PPARGC1A: variants seen among roughly 807,000 people sequenced by gnomAD.
PPARGC1A encodes the protein PPARG coactivator 1 alpha.
In PPARGC1A, 25 loss-of-function variants were observed where a neutral mutation model predicts 88.7. The observed-to-expected ratio is 0.28, with a 90% CI of 0.21 to 0.39. PPARGC1A has a LOEUF of 0.39. PPARGC1A is among the 10% of genes least tolerant of loss of function. The pLI, the probability that PPARGC1A is intolerant of heterozygous loss-of-function variation, is 1.00. For synonymous variants in PPARGC1A, 363 were observed against 355.6 expected (o/e 1.02, Z -0.24); for missense variants, 880 against 968.7 (o/e 0.91, Z 1.22).
the PPARGC1A span, among the ~76,000 whole-genome samples, chr4:24,198,915 G>A: frequency 3.9e-5 from 6 of 152,338 alleles, no homozygotes; most frequent in South Asian, 1.2e-3. Context: ...GAAAGTGCCA[G>A]AGATGAGAAG....
chr4:24,387,892 A>G, the PPARGC1A span, among the ~76,000 whole-genome samples: 31 of 117,298 alleles, frequency 2.6e-4, 1 homozygote, highest in African/African-American at 1.0e-3. Context: ...GAAAGAAAGA[A>G]AGAAAAAGAA....
chr4:23,986,009 T>G, the PPARGC1A span, among the ~76,000 whole-genome samples: 1 of 151,692 alleles, frequency 6.6e-6, no homozygotes, highest in African/African-American at 2.4e-5. Context: ...CAGTTTCTTA[T>G]CTGTAAGATA....
At chr4:24,341,846 G>A in the PPARGC1A span, among the ~76,000 whole-genome samples, 1 of 152,276 alleles carries the variant, frequency 6.6e-6, no homozygotes, top group East Asian at 1.9e-4. Context: ...CTCACAGAAG[G>A]TGCTCACTAA....
At chr4:24,458,471 A>G in the PPARGC1A span, among the ~76,000 whole-genome samples, 6 of 152,230 alleles carry the variant, frequency 3.9e-5, no homozygotes, top group Non-Finnish European at 7.3e-5. Context: ...ACTGCGCTCC[A>G]TCCTTTGTGA....
chr4:24,114,785 T>C, the PPARGC1A span, among the ~76,000 whole-genome samples: 1 of 152,190 alleles, frequency 6.6e-6, no homozygotes. Context: ...AAAATATTGC[T>C]CTTTACCTGA....
chr4:24,235,420 GCCA>G, the PPARGC1A span, among the ~76,000 whole-genome samples: 2 of 152,134 alleles, frequency 1.3e-5, no homozygotes, highest in East Asian at 3.9e-4. Context: ...ATTTTTCCCA[GCCA>G]CCACATGAGA....
At chr4:24,154,065 A>G in the PPARGC1A span, among the ~76,000 whole-genome samples, 3 of 152,218 alleles carry the variant, frequency 2.0e-5, no homozygotes, top group Non-Finnish European at 4.4e-5. Flanking sequence ...CACTTTTCCC[A>G]TGCAGACACT....
At chr4:24,031,886 TC>T in the PPARGC1A span, among the ~76,000 whole-genome samples, 49 of 152,328 alleles carry the variant, frequency 3.2e-4, no homozygotes, top group African/African-American at 1.1e-3. Context: ...TTGGACATCA[TC>T]CAGTCTAACT....
At chr4:24,114,389 A>G in the PPARGC1A span, among the ~76,000 whole-genome samples, 1 of 152,192 alleles carries the variant, frequency 6.6e-6, no homozygotes, top group Admixed American at 6.5e-5. Context: ...AGTGGGTCTG[A>G]ATTACTTTCA....
chr4:24,237,397 T>C, the PPARGC1A span, among the ~76,000 whole-genome samples: 1 of 152,156 alleles, frequency 6.6e-6, no homozygotes, highest in African/African-American at 2.4e-5. Flanking sequence ...TACAGTATTG[T>C]ACTTATATTT....
the PPARGC1A span, among the ~76,000 whole-genome samples, chr4:24,097,036 G>A: frequency 0.014 from 2,101 of 152,270 alleles, 32 homozygotes; most frequent in Non-Finnish European, 0.023. Context: ...TGAGGTCACA[G>A]TAAGCTATGA....
the PPARGC1A span, among the ~76,000 whole-genome samples, chr4:24,029,650 T>C: frequency 1.3e-5 from 2 of 152,112 alleles, no homozygotes; most frequent in African/African-American, 4.8e-5. Context: ...TCCATCCTCC[T>C]TTGCAAAACA....
At chr4:23,859,271 A>G (rs1238202491) in intron 2 of PPARGC1A, among the ~76,000 whole-genome samples, 2 of 152,172 alleles carry the variant, frequency 1.3e-5, no homozygotes, top group African/African-American at 4.8e-5. Flanking sequence ...ATTCTTAAAG[A>G]TGATGCCAAC....
intron 2 of PPARGC1A, among the ~76,000 whole-genome samples, chr4:23,860,435 T>C (rs1480985115): frequency 6.6e-6 from 1 of 152,148 alleles, no homozygotes; most frequent in Non-Finnish European, 1.5e-5. Context: ...AATATTGTAC[T>C]GGATTCTGAG....
At chr4:23,896,296 G>A (rs1352227534) in intron 1 of PPARGC1A, among the ~76,000 whole-genome samples, 1 of 152,072 alleles carries the variant, frequency 6.6e-6, no homozygotes, top group Non-Finnish European at 1.5e-5. Flanking sequence ...ATATTCAGAA[G>A]AAGAAGAATT....
chr4:24,068,127 C>G, the PPARGC1A span, among the ~76,000 whole-genome samples: 1 of 152,150 alleles, frequency 6.6e-6, no homozygotes, highest in African/African-American at 2.4e-5. Context: ...ACTCTTTTGT[C>G]TCACCCTCCA....
chr4:23,924,711 C>A, the PPARGC1A span, among the ~76,000 whole-genome samples: 1 of 152,182 alleles, frequency 6.6e-6, no homozygotes, highest in African/African-American at 2.4e-5. Flanking sequence ...AACCTCCATA[C>A]AGCACCATGC....
At chr4:23,952,982 T>G in the PPARGC1A span, among the ~76,000 whole-genome samples, 1 of 152,056 alleles carries the variant, frequency 6.6e-6, no homozygotes, top group Admixed American at 6.6e-5. Flanking sequence ...ATTACTACTA[T>G]AATGCATTAC....
intron 2 of PPARGC1A, chr4:23,882,833 T>C (rs986138446): frequency 6.6e-6 from 1 of 152,048 alleles, no homozygotes; most frequent in African/African-American, 2.4e-5. Context: ...CTCTCACAAA[T>C]ACCACAACAC....
Sources: gnomAD v4.1 joint callset for allele counts (sites outside exome capture counted in the v4.1 genomes callset) on GRCh38, gnomAD v4.1.1 for gene constraint, MANE v1.5 for transcripts, NCBI Gene and HGNC (gene_info 2026-07-23, HGNC 2026-07-21) for gene names.